RNF20: variants seen among roughly 807,000 people sequenced by gnomAD.
The protein encoded by RNF20 is E3 ubiquitin-protein ligase BRE1A.
Under a neutral mutation model 126.2 loss-of-function variants are expected in RNF20, and 84 were observed. The observed-to-expected ratio is 0.67, with a 90% confidence interval of 0.56 to 0.80. RNF20 has a LOEUF of 0.80. Ranked by LOEUF, RNF20 falls within the 30% of genes least tolerant of loss-of-function variation. RNF20 has a pLI of 0.00. For missense variants in RNF20, 869 were observed against 1,188.2 expected, an observed-to-expected ratio of 0.73 and a Z score of 3.95; for synonymous variants, 400 against 414.3, an observed-to-expected ratio of 0.97 and a Z score of 0.42.
chr9:101,546,883 A>G lies in RNF20; in HGVS notation c.811A>G (p.Ile271Val). 1.2e-6 allele frequency: 2 copies of G among 1,614,134 alleles called. No individual in the cohort carries two copies. The highest frequency in any genetic ancestry group is 1.7e-6 in the Non-Finnish European group (2 of 1,180,016). The stretch of plus-strand genomic sequence containing the variant: ...ACGAGTGTCTGTCCTGGAGTCCATG[A>G]TTGATGACCTGCAGTGGGATATTGA... Reference protein sequence around the residue: ...ESRVSVLESMIDDLQWDIDKI... With the variant: ...ESRVSVLESMVDDLQWDIDKI... Residue 271 changes from isoleucine (I) to valine (V), a missense_variant, in exon 7 of 20, where the codon ATT (isoleucine) becomes GTT (valine). Coordinates refer to ENST00000389120, the MANE Select transcript of RNF20 (RefSeq NM_019592.7).
Position 101,547,523 on chromosome 9 carries a change from G to T in RNF20, c.1092+5G>T. The stretch of plus-strand genomic sequence containing the variant: ...ACACAAAATGAAAAGCTGAAGGTAG[G>T]AACGCATCCCTGAAGGGCAGTAAAA... On this transcript the variant is annotated splice_donor_5th_base_variant and intron_variant, in intron 9 of 19. Coordinates refer to ENST00000389120, the MANE Select transcript of RNF20 (RefSeq NM_019592.7). 6.2e-7 allele frequency: 1 copy of T among 1,613,736 alleles called. No homozygotes were observed. Among genetic ancestry groups the T allele is most frequent in the South Asian group, 1.1e-5 (1 of 91,044 alleles).
rs768212285 is a variant in RNF20 at position 101,540,616 on chromosome 9, C to T, written c.424C>T (p.Arg142Cys). Residue 142 changes from arginine to cysteine, a missense_variant, in exon 4 of 20, where the codon CGT (arginine) becomes TGT (cysteine). This residue lies in a region of RNF20 where 157 missense variants were observed against 236.0 expected (regional missense o/e 0.67). Transcript: ENST00000389120. ...ACCAGACTCTGATAGCAATCAGGAG[C>T]GTAAAGATGACCGAGAGAGAGGCAA... ...PEPDSDSNQERKDDRERGEGQ... is the reference protein window; with the variant it reads ...PEPDSDSNQECKDDRERGEGQ... The T allele has an allele frequency of 5.0e-6, 8 of 1,613,974 alleles. No homozygotes were observed. Among genetic ancestry groups the T allele is most frequent in the Non-Finnish European group, 5.1e-6 (6 of 1,180,002 alleles).
chr9:101,542,615 C>T (rs1165535889), intron 5 of RNF20, among the ~76,000 whole-genome samples: 1 of 152,106 alleles, frequency 6.6e-6, no homozygotes, highest in Non-Finnish European at 1.5e-5. Flanking sequence ...CTTCTTTCTC[C>T]TTGGGCTCTA....
At position 101,552,736 on chromosome 9, in the gene RNF20, A is replaced by G. The variant is rs759658997; in HGVS notation, c.1884A>G (p.Gln628=). ...AAAAGGAAGCAGAAATTATCAAACA[A>G]TTGAAGATTGAACTCAAGTAAGAAC... The part of the protein sequence containing the change: ...GRKKEAEIIK[Q]LKIELKKAQE... Residue 628 remains glutamine, a synonymous_variant, in exon 13 of 20, where the codon CAA becomes CAG. Transcript: ENST00000389120. The G allele has an allele frequency of 5.6e-6, 9 of 1,607,108 alleles. No individual in the cohort carries two copies. The highest frequency in any genetic ancestry group is 3.3e-5 in the South Asian group (3 of 89,892).
intron 5 of RNF20, 77 bp downstream of exon 5, chr9:101,541,052 C>A: frequency 9.0e-7 from 1 of 1,116,432 alleles, no homozygotes; most frequent in South Asian, 1.8e-5. Flanking sequence ...TTGTAGTTTG[C>A]AAGCTTACAT....
At chr9:101,542,138 A>C (rs1827269403) in intron 5 of RNF20, among the ~76,000 whole-genome samples, 1 of 152,172 alleles carries the variant, frequency 6.6e-6, no homozygotes, top group African/African-American at 2.4e-5. Context: ...TTATTCTGTA[A>C]TTTTGCTTTT....
At chr9:101,546,741 A>T in intron 6 of RNF20, 79 bp from the exon 7 acceptor site, 1 of 1,442,314 alleles carries the variant, frequency 6.9e-7, no homozygotes, top group Non-Finnish European at 9.6e-7. Flanking sequence ...TTCTATAATT[A>T]CTCATAAGCA....
chr9:101,535,483 G>A lies in RNF20; in HGVS notation c.60G>A (p.Glu20=), dbSNP rs763540885. 1.2e-6 allele frequency: 2 copies of A among 1,613,154 alleles called. No individual in the cohort carries two copies. The highest frequency in any genetic ancestry group is 8.5e-7 in the Non-Finnish European group (1 of 1,179,162). Residue 20 remains glutamate, a synonymous_variant, in exon 2 of 20, where the codon GAG becomes GAA. Coordinates refer to ENST00000389120, the MANE Select transcript of RNF20 (RefSeq NM_019592.7). Reference sequence around the variant, plus strand: ...AACCTGGCACCTCCATGCCTCCTGAGAAGAAGGCAGCTGTTGAAGATTCAG... The same window carrying A: ...AACCTGGCACCTCCATGCCTCCTGAAAAGAAGGCAGCTGTTGAAGATTCAG... The part of the protein sequence containing the change: ...AGEPGTSMPP[E]KKAAVEDSGT...
intron 13 of RNF20, among the ~76,000 whole-genome samples, chr9:101,553,584 A>ATT (rs971117874): frequency 1.4e-5 from 2 of 145,910 alleles, no homozygotes; most frequent in Non-Finnish European, 1.5e-5. Flanking sequence ...CTTTAAGGCA[A>ATT]TTTTTTTTTT....
In RNF20 at chr9:101,552,396, G is replaced by A; in HGVS notation, c.1544G>A (p.Ser515Asn). 2 of 1,605,630 alleles carry A rather than the reference G, an allele frequency of 1.2e-6. No individual in the cohort carries two copies. Among genetic ancestry groups the A allele is most frequent in the Non-Finnish European group, 1.7e-6 (2 of 1,174,190 alleles). Residue 515 changes from serine to asparagine, a missense_variant, in exon 13 of 20, where the codon AGT becomes AAT. This residue lies in a region of RNF20 where 231 missense variants were observed against 263.6 expected (regional missense o/e 0.88). Coordinates refer to ENST00000389120, the MANE Select transcript of RNF20 (RefSeq NM_019592.7). The stretch of plus-strand genomic sequence containing the variant: ...TTATTCTCCCAGACACGCCTGCGTA[G>A]TGGTAGTGCCCTCCTGCAGTCCCAG... ...QSDLNKTRLR[S>N]GSALLQSQSS...
At chr9:101,534,564 A>G (rs1407545272) in intron 1 of RNF20, among the ~76,000 whole-genome samples, 1 of 152,176 alleles carries the variant, frequency 6.6e-6, no homozygotes, top group Non-Finnish European at 1.5e-5. Context: ...TTCTATAATT[A>G]TATCATCCAT....
At chr9:101,554,139 T>A (rs1379243094) in intron 14 of RNF20, 34 bp downstream of exon 14, 12 of 1,196,996 alleles carry the variant, frequency 1.0e-5, no homozygotes, top group Non-Finnish European at 1.5e-5. Flanking sequence ...TCCTTCTGGT[T>A]AAAATCTTCA....
Position 101,562,514 on chromosome 9 carries a change from T to A in RNF20, c.*92T>A. ...CTCTTCTCTCCTTGACTGTCACCTG[T>A]AGGACAGTTTATCAGTCAACTACCT... On this transcript the variant is annotated 3_prime_UTR_variant, in exon 20 of 20. Coordinates refer to ENST00000389120, the MANE Select transcript of RNF20 (RefSeq NM_019592.7). 1 of 1,221,284 alleles carries A rather than the reference T, an allele frequency of 8.2e-7. No homozygotes were observed. The highest frequency in any genetic ancestry group is 1.1e-6 in the Non-Finnish European group (1 of 885,692). 75.7% of individuals were successfully genotyped at this position (1,221,284 alleles called of 1,614,324 possible).
intron 5 of RNF20, among the ~76,000 whole-genome samples, chr9:101,543,372 G>GGCGGCACTGTCTAACCTGCCAGA (rs1400638099): frequency 2.8e-5 from 4 of 144,656 alleles, no homozygotes; most frequent in South Asian, 4.5e-4. Context: ...ACCCTGCCAG[G>GGCGGCACTGTCTAACCTGCCAGA]GCGGCACTGT....
In RNF20 at chr9:101,543,468, A is replaced by G. The variant is rs117765747; in HGVS notation, c.629-1299A>G. Among the ~76,000 whole-genome samples the G allele has an allele frequency of 2.3e-3, 336 of 145,930 alleles. 2 individuals carry two copies. Among genetic ancestry groups the G allele is most frequent in the African/African-American group, 6.5e-3 (255 of 39,108 alleles). ...GCGGCACTGTCTAACCTGCCAAGGC[A>G]GCACTGTCTAACCCTGCCAGGGTGG... On this transcript the variant is annotated intron_variant, in intron 5 of 19. Coordinates refer to ENST00000389120, the MANE Select transcript of RNF20 (RefSeq NM_019592.7).
At chr9:101,562,127 G>A in intron 19 of RNF20, 116 bp downstream of exon 19, 1 of 1,310,080 alleles carries the variant, frequency 7.6e-7, no homozygotes, top group Non-Finnish European at 1.1e-6. Flanking sequence ...GAGGTTGGGG[G>A]GAAATGATGC....
In RNF20 at chr9:101,557,569, A is replaced by C; in HGVS notation, c.2355A>C (p.Ala785=). The change falls in exon 16 of 20, where the codon GCA becomes GCC. Residue 785 remains alanine (A), a synonymous_variant. Transcript: ENST00000389120. ...KLLKEEKEEL[A]DQVLTLKTQV... is the part of the protein sequence containing the mutation. ...TTAAAGAAGAGAAGGAGGAGCTGGC[A>C]GACCAGGTGTTGACTCTGAAGACTC... 6.2e-7 allele frequency: 1 copy of C among 1,613,918 alleles called. No homozygotes were observed. The highest frequency in any genetic ancestry group is 8.5e-7 in the Non-Finnish European group (1 of 1,179,806).
At chr9:101,553,596 T>C (rs1827483629) in intron 13 of RNF20, among the ~76,000 whole-genome samples, 1 of 152,112 alleles carries the variant, frequency 6.6e-6, no homozygotes, top group South Asian at 2.1e-4. Flanking sequence ...TTTTTTTTTT[T>C]CTGGTGTGGT....
rs1261245095 is a variant in RNF20 at position 101,551,795 on chromosome 9, A to T, written c.1384A>T (p.Thr462Ser). 6.2e-7 allele frequency: 1 copy of T among 1,609,704 alleles called. No homozygotes were observed. Among genetic ancestry groups the T allele is most frequent in the Non-Finnish European group, 8.5e-7 (1 of 1,178,784 alleles). ...AATGCTGAGGATAGAATTTGAGCAG[A>T]CCCTTGCTGCCAATGAACAAGCAGG... ...YEMLRIEFEQ[T>S]LAANEQAGPI... The change falls in exon 11 of 20, where the codon ACC (threonine) becomes TCC (serine). Residue 462 changes from threonine (T) to serine (S), a missense_variant. Thr to Ser is a moderately conservative substitution (Grantham distance 58). Coordinates refer to ENST00000389120, the MANE Select transcript of RNF20 (RefSeq NM_019592.7).
Sources: allele counts gnomAD v4.1 joint callset (sites outside exome capture counted in the v4.1 genomes callset), GRCh38; gene constraint gnomAD v4.1.1; regional missense constraint gnomAD v4.1.1; transcripts MANE v1.5; gene names NCBI Gene and HGNC (gene_info 2026-07-23, HGNC 2026-07-21).